BCL2: variants seen among roughly 807,000 people sequenced by gnomAD.
BCL2 encodes the protein BCL2 apoptosis regulator.
A neutral mutation model predicts 14.2 loss-of-function variants in BCL2; 1 was observed. That is an observed-to-expected ratio of 0.07 (90% confidence interval 0.02 to 0.33). The LOEUF is 0.33. Among genes scored for constraint, BCL2 ranks in the 10% least tolerant of loss-of-function variants. The pLI is 0.99. For missense variants in BCL2, 247 were observed against 305.9 expected (o/e 0.81, Z 1.44); for synonymous variants, 151 against 137.2 (o/e 1.10, Z -0.70).
At chr18:63,165,877 C>A (rs745745835) in intron 2 of BCL2, among the ~76,000 whole-genome samples, 1 of 152,218 alleles carries the variant, frequency 6.6e-6, no homozygotes, top group African/African-American at 2.4e-5. Flanking sequence ...AGAGTTCACT[C>A]CCAGGTTGGG....
intron 2 of BCL2, among the ~76,000 whole-genome samples, chr18:63,302,031 A>G (rs1912974436): frequency 6.6e-6 from 1 of 152,186 alleles, no homozygotes; most frequent in Non-Finnish European, 1.5e-5. Context: ...TCTGGTCTAT[A>G]AAAGAGAGGA....
At chr18:63,240,129 A>G (rs1217382970) in intron 2 of BCL2, among the ~76,000 whole-genome samples, 3 of 152,138 alleles carry the variant, frequency 2.0e-5, no homozygotes, top group Non-Finnish European at 4.4e-5. Flanking sequence ...AGCTGGGACT[A>G]CAGACGTGCC....
intron 2 of BCL2, among the ~76,000 whole-genome samples, chr18:63,246,527 G>A (rs1301354353): frequency 6.6e-6 from 1 of 152,178 alleles, no homozygotes; most frequent in Non-Finnish European, 1.5e-5. Context: ...CAGGTCTCAT[G>A]AGACTTATTC....
chr18:63,163,858 C>CTCTGGCAA (rs1344422651), intron 2 of BCL2, among the ~76,000 whole-genome samples: 1 of 152,222 alleles, frequency 6.6e-6, no homozygotes, highest in Non-Finnish European at 1.5e-5. Context: ...TAGACTCAAA[C>CTCTGGCAA]TCTGGCAATC....
At chr18:63,271,806 G>A (rs1162291811) in intron 2 of BCL2, among the ~76,000 whole-genome samples, 1 of 152,176 alleles carries the variant, frequency 6.6e-6, no homozygotes, top group East Asian at 1.9e-4. Context: ...GAGCTGACCT[G>A]GAGGTTTATG....
chr18:63,205,477 T>C (rs189107911), intron 2 of BCL2, among the ~76,000 whole-genome samples: 28 of 152,300 alleles, frequency 1.8e-4, no homozygotes, highest in Middle Eastern at 6.8e-3. Context: ...ATGAGTTCAA[T>C]AAAATCTTCA....
At chr18:63,292,752 G>A (rs1308683965) in intron 2 of BCL2, among the ~76,000 whole-genome samples, 3 of 152,194 alleles carry the variant, frequency 2.0e-5, no homozygotes, top group Admixed American at 6.5e-5. Context: ...AAGTATGGGG[G>A]TAAAGAGCAT....
intron 2 of BCL2, among the ~76,000 whole-genome samples, chr18:63,221,847 T>C (rs1310483318): frequency 6.6e-6 from 1 of 152,224 alleles, no homozygotes; most frequent in Non-Finnish European, 1.5e-5. Context: ...ACTACCTGTG[T>C]ATCTGAGTAG....
chr18:63,185,958 G>A (rs957696767), intron 2 of BCL2, among the ~76,000 whole-genome samples: 48 of 152,162 alleles, frequency 3.2e-4, no homozygotes, highest in African/African-American at 1.1e-3. Flanking sequence ...AAACAGCTTG[G>A]AGCTTTAGGA....
chr18:63,301,594 C>T (rs777354655), intron 2 of BCL2, among the ~76,000 whole-genome samples: 3 of 152,096 alleles, frequency 2.0e-5, no homozygotes, highest in African/African-American at 2.4e-5. Context: ...TGATTCACAC[C>T]GTCATCAAGA....
At chr18:63,169,111 AC>A (rs1403766798) in intron 2 of BCL2, among the ~76,000 whole-genome samples, 1 of 152,208 alleles carries the variant, frequency 6.6e-6, no homozygotes, top group East Asian at 1.9e-4. Context: ...CACTACAGGC[AC>A]AGGCAGGCAC....
In BCL2 at chr18:63,177,447, C is replaced by T. The variant is rs189214677; in HGVS notation, c.586-48688G>A. Among the ~76,000 whole-genome samples the T allele has an allele frequency of 1.4e-3, 215 of 152,280 alleles. 2 individuals carry two copies. The highest frequency in any genetic ancestry group is 4.7e-3 in the African/African-American group (196 of 41,560). On this transcript the variant is annotated intron_variant, in intron 2 of 2. Coordinates refer to ENST00000333681, the MANE Select transcript of BCL2 (RefSeq NM_000633.3). ...CTCTGATGCTGGGGCAGGTTCCCCG[C>T]GTGCTAATATCCCAGGGGACCCTGT...
chr18:63,183,715 C>A (rs545644888), intron 2 of BCL2, among the ~76,000 whole-genome samples: 13 of 152,068 alleles, frequency 8.5e-5, no homozygotes, highest in African/African-American at 3.1e-4. Context: ...CTGCATGGGG[C>A]GGGGGCGGGG....
rs564816160 is a variant in BCL2 at position 63,165,727 on chromosome 18, G to T, written c.586-36968C>A. ...AGGGATGCAAAGGGCCCAGACACTG[G>T]CGGGAGACAAAAAGAGATTGAGCAA... is the stretch of plus-strand genomic sequence containing the variant. On this transcript the variant is annotated intron_variant, in intron 2 of 2. Coordinates refer to ENST00000333681, the MANE Select transcript of BCL2 (RefSeq NM_000633.3). 2.2e-4 allele frequency among the ~76,000 whole-genome samples: 34 copies of T among 152,248 alleles called. 1 individual carries two copies. The South Asian group carries it at 6.0e-3, about 27-fold the overall frequency.
chr18:63,268,955 AT>A (rs201860063), intron 2 of BCL2, among the ~76,000 whole-genome samples: 26 of 148,048 alleles, frequency 1.8e-4, no homozygotes, highest in African/African-American at 2.2e-4. Flanking sequence ...TTCTTTTTCC[AT>A]TTTTTTTTTA....
chr18:63,159,666 T>C (rs1053569286), intron 2 of BCL2, among the ~76,000 whole-genome samples: 1 of 152,178 alleles, frequency 6.6e-6, no homozygotes, highest in African/African-American at 2.4e-5. Flanking sequence ...TATTAGGTAT[T>C]GCGGGGGTGT....
intron 2 of BCL2, among the ~76,000 whole-genome samples, chr18:63,143,675 C>T (rs1374714356): frequency 1.3e-5 from 2 of 152,214 alleles, no homozygotes; most frequent in Admixed American, 6.5e-5. Context: ...CTTTATACAC[C>T]GACTATTCCT....
At chr18:63,257,535 A>G (rs1048173009) in intron 2 of BCL2, among the ~76,000 whole-genome samples, 5 of 152,226 alleles carry the variant, frequency 3.3e-5, no homozygotes, top group Non-Finnish European at 5.9e-5. Context: ...TTGGTTTTCA[A>G]CTTTCAGATC....
At chr18:63,230,769 A>G (rs1246585819) in intron 2 of BCL2, among the ~76,000 whole-genome samples, 1 of 152,108 alleles carries the variant, frequency 6.6e-6, no homozygotes. Context: ...ACATAAAAAT[A>G]TGGAAAAAGA....
Sources: gnomAD v4.1 joint callset for allele counts (sites outside exome capture counted in the v4.1 genomes callset) on GRCh38, gnomAD v4.1.1 for gene constraint, MANE v1.5 for transcripts, NCBI Gene and HGNC (gene_info 2026-07-23, HGNC 2026-07-21) for gene names.